DDX46: variants seen among roughly 807,000 people sequenced by gnomAD.
The protein encoded by DDX46 is DEAD-box helicase 46.
DDX46 carries 30 observed loss-of-function variants against 134.9 expected under a neutral mutation model. That is an observed-to-expected ratio of 0.22 (90% CI 0.17 to 0.30). The LOEUF is 0.30. Ranked by LOEUF, DDX46 falls within the 10% of genes least tolerant of loss-of-function variation. DDX46 has a pLI of 1.00. For synonymous variants in DDX46, 415 were observed against 404.1 expected, an observed-to-expected ratio of 1.03 and a Z score of -0.32; for missense variants, 622 against 1,248.7, an observed-to-expected ratio of 0.50 and a Z score of 7.56.
At chr5:134,816,409 C>T in intron 18 of DDX46, 21 bp from the exon 19 acceptor site, 1 of 1,554,150 alleles carries the variant, frequency 6.4e-7, no homozygotes, top group Non-Finnish European at 8.7e-7. Flanking sequence ...TTTACTAGTC[C>T]TTTTTTTCCT....
chr5:134,785,188 G>C (rs1212874472), intron 10 of DDX46, among the ~76,000 whole-genome samples: 2 of 152,156 alleles, frequency 1.3e-5, no homozygotes, highest in African/African-American at 4.8e-5. Context: ...TTAGAAAACT[G>C]TTTGCATTCT....
In DDX46 at chr5:134,818,954, C is replaced by T; in HGVS notation, c.2927C>T (p.Pro976Leu). The T allele has an allele frequency of 6.2e-7, 1 of 1,614,030 alleles. No individual in the cohort carries two copies. The highest frequency in any genetic ancestry group is 1.7e-5 in the Admixed American group (1 of 60,002). ...ACAATCAGAGGAACCTACTTCCCTC[C>T]TGGCAAAGAACCCAAGGAAGGCGAG... ...AITIRGTYFP[P>L]GKEPKEGERK... Residue 976 changes from proline to leucine, a missense_variant, in exon 21 of 23, where the codon CCT becomes CTT. By Grantham distance (98) the Pro-to-Leu change is moderately conservative. Around this residue, in one of 8 missense-constraint regions of DDX46, gnomAD observed 76 missense variants for 213.0 expected, o/e 0.36. Transcript: ENST00000452510.
At chr5:134,780,918 A>T (rs1480597087) in intron 6 of DDX46, 1 of 329,788 alleles carries the variant, frequency 3.0e-6, no homozygotes, top group Admixed American at 5.4e-5. Context: ...TAGTCCTAGC[A>T]ACTCAGGAGG....
chr5:134,819,694 CTT>C (rs76529794), intron 21 of DDX46, among the ~76,000 whole-genome samples: 3 of 143,986 alleles, frequency 2.1e-5, no homozygotes, highest in Non-Finnish European at 3.1e-5. Context: ...CCACACCTGA[CTT>C]TTTTTTTTTT....
chr5:134,803,542 G>T (rs937904510), intron 15 of DDX46, among the ~76,000 whole-genome samples: 2 of 152,052 alleles, frequency 1.3e-5, no homozygotes, highest in East Asian at 3.9e-4. Context: ...GTCTGTGCAC[G>T]GCCTGCCCCT....
At position 134,774,010 on chromosome 5, in the gene DDX46, A is replaced by C. The variant is rs1253687664; in HGVS notation, c.613+149A>C. The stretch of plus-strand genomic sequence containing the variant: ...TTTCATCATTTTCAGGTTTCAATTC[A>C]GTGATAAATACATTTGCAGTGTTGT... On this transcript the variant is annotated intron_variant, in intron 5 of 22. Coordinates refer to ENST00000452510, the MANE Select transcript of DDX46 (RefSeq NM_001300860.2). 5 of 899,130 alleles carry C rather than the reference A, an allele frequency of 5.6e-6. No homozygotes were observed. The East Asian group carries it at 1.4e-4, about 25-fold the overall frequency. The allele number at this position is 899,130 out of a possible 1,614,324, so 55.7% of individuals were successfully genotyped here.
At chr5:134,807,360 C>T (rs1057007775) in intron 15 of DDX46, among the ~76,000 whole-genome samples, 3 of 152,064 alleles carry the variant, frequency 2.0e-5, no homozygotes, top group Non-Finnish European at 4.4e-5. Context: ...TGATGCTGCT[C>T]TGGTCCTTGG....
At chr5:134,794,068 T>G (rs1303678957) in intron 13 of DDX46, among the ~76,000 whole-genome samples, 3 of 152,094 alleles carry the variant, frequency 2.0e-5, no homozygotes, top group Non-Finnish European at 2.9e-5. Context: ...CTTGTAGTGG[T>G]TGGCGGGGTG....
intron 15 of DDX46, among the ~76,000 whole-genome samples, chr5:134,798,301 C>A (rs980125055): frequency 4.0e-5 from 6 of 151,746 alleles, no homozygotes; most frequent in African/African-American, 1.5e-4. Flanking sequence ...TGGGTTCAAG[C>A]AGTTCTTGTG....
chr5:134,776,348 G>T (rs1175126784), intron 5 of DDX46, among the ~76,000 whole-genome samples: 1 of 151,674 alleles, frequency 6.6e-6, no homozygotes, highest in Non-Finnish European at 1.5e-5. Flanking sequence ...GAGCCGAGAT[G>T]GTGCCACTGC....
chr5:134,764,663 C>T (rs1228366768), intron 2 of DDX46, among the ~76,000 whole-genome samples: 2 of 152,068 alleles, frequency 1.3e-5, no homozygotes, highest in Admixed American at 1.3e-4. Flanking sequence ...CTCTGAGGGA[C>T]ATACAAAATG....
At chr5:134,825,857 T>G (rs559742246) in intron 21 of DDX46, 1 of 152,328 alleles carries the variant, frequency 6.6e-6, no homozygotes, top group East Asian at 1.9e-4. Flanking sequence ...TACAGCAATT[T>G]TAGAATTAAA....
At chr5:134,800,048 A>G (rs1403205238) in intron 15 of DDX46, among the ~76,000 whole-genome samples, 1 of 151,118 alleles carries the variant, frequency 6.6e-6, no homozygotes, top group Non-Finnish European at 1.5e-5. Context: ...CCCAGGTTCA[A>G]GTGATTCTCC....
intron 21 of DDX46, among the ~76,000 whole-genome samples, chr5:134,820,763 A>C (rs1303488579): frequency 6.6e-6 from 1 of 152,220 alleles, no homozygotes; most frequent in Non-Finnish European, 1.5e-5. Flanking sequence ...GATTCAGTGA[A>C]AGCAGTGCTT....
At chr5:134,803,426 C>G (rs774403984) in intron 15 of DDX46, among the ~76,000 whole-genome samples, 1 of 152,114 alleles carries the variant, frequency 6.6e-6, no homozygotes, top group Non-Finnish European at 1.5e-5. Context: ...CCATTCTTCT[C>G]AGGATTTATC....
At position 134,773,730 on chromosome 5, in the gene DDX46, G is replaced by A; in HGVS notation, c.482G>A (p.Arg161Lys). The part of the protein sequence containing the change: ...FDQNKLEEEM[R>K]KRKERVEKWR... Reference sequence around the variant, plus strand: ...CAGAATAAGCTGGAAGAAGAAATGAGAAAGCGAAAAGAAAGAGTAGAAAAA... The same window carrying A: ...CAGAATAAGCTGGAAGAAGAAATGAAAAAGCGAAAAGAAAGAGTAGAAAAA... The change falls in exon 5 of 23, where the codon AGA becomes AAA. Residue 161 changes from arginine to lysine, a missense_variant. Physicochemically the swap from Arg to Lys is conservative, Grantham distance 26 (BLOSUM62 2). This residue lies in a region of DDX46 where 244 missense variants were observed against 349.3 expected (regional missense o/e 0.70). Coordinates refer to ENST00000452510, the MANE Select transcript of DDX46 (RefSeq NM_001300860.2). 6.2e-7 allele frequency: 1 copy of A among 1,609,212 alleles called. No individual in the cohort carries two copies. The highest frequency in any genetic ancestry group is 8.5e-7 in the Non-Finnish European group (1 of 1,177,436).
rs115314246 is a variant in DDX46, at chr5:134,795,435, T to C, written c.1791+421T>C. Among the ~76,000 whole-genome samples the C allele has an allele frequency of 2.9e-3, 436 of 152,228 alleles. 3 individuals are homozygous for C. The highest frequency in any genetic ancestry group is 9.8e-3 in the African/African-American group (409 of 41,540). ...GAACAGGTCAAAACTTTTGTGCTGA[T>C]TGTAGTTGGAGCACATCTGTGAATA... On this transcript the variant is annotated intron_variant, in intron 14 of 22. Coordinates refer to ENST00000452510, the MANE Select transcript of DDX46 (RefSeq NM_001300860.2).
At chr5:134,772,196 C>T (rs973493275) in intron 4 of DDX46, among the ~76,000 whole-genome samples, 2 of 151,528 alleles carry the variant, frequency 1.3e-5, no homozygotes, top group Non-Finnish European at 2.9e-5. Context: ...CACACCATTG[C>T]ACTCCAGCCT....
chr5:134,804,820 A>G, intron 15 of DDX46: 2 of 410,314 alleles, frequency 4.9e-6, no homozygotes, highest in Non-Finnish European at 4.8e-6. Context: ...CACTTTCACC[A>G]TGATTTTCTG....
Sources: allele counts gnomAD v4.1 joint callset (sites outside exome capture counted in the v4.1 genomes callset), GRCh38; gene constraint gnomAD v4.1.1; regional missense constraint gnomAD v4.1.1; transcripts MANE v1.5; gene names NCBI Gene and HGNC (gene_info 2026-07-23, HGNC 2026-07-21).